Variants in FRY observed in about 807,000 individuals in gnomAD.
The protein encoded by FRY is protein furry homolog.
In FRY, 128 loss-of-function variants were observed where a neutral mutation model predicts 348.4. That is an observed-to-expected ratio of 0.37 (90% CI 0.32 to 0.43). The LOEUF (loss-of-function observed/expected upper bound fraction) is 0.43, where lower values mean the gene tolerates loss of function less well. Among genes scored for constraint, FRY ranks in the 20% least tolerant of loss-of-function variants. The pLI, the probability that FRY is intolerant of heterozygous loss-of-function variation, is 1.00. For synonymous variants in FRY, 1,370 were observed against 1,374.7 expected (o/e 1.00, Z 0.08); for missense variants, 2,736 against 3,695.2 (o/e 0.74, Z 6.73).
chr13:32,122,771 C>T (rs184188653), intron 4 of FRY, among the ~76,000 whole-genome samples: 1 of 152,282 alleles, frequency 6.6e-6, no homozygotes, highest in Admixed American at 6.5e-5. Flanking sequence ...ACAATATGAT[C>T]ATTTCCCTTG....
At chr13:32,122,140 G>A (rs1339303992) in intron 4 of FRY, among the ~76,000 whole-genome samples, 3 of 152,070 alleles carry the variant, frequency 2.0e-5, no homozygotes, top group Non-Finnish European at 2.9e-5. Flanking sequence ...CATCCCAATA[G>A]ATGCAGAAAA....
chr13:32,209,559 T>C (rs752876856), intron 32 of FRY, 26 bp from the exon 33 acceptor site: 36 of 1,613,214 alleles, frequency 2.2e-5, no homozygotes, highest in Non-Finnish European at 3.1e-5. Flanking sequence ...CACACATCTC[T>C]TGGGCCGGTT....
intron 2 of FRY, among the ~76,000 whole-genome samples, chr13:32,092,991 G>C (rs1243242327): frequency 6.6e-6 from 1 of 152,074 alleles, no homozygotes; most frequent in Non-Finnish European, 1.5e-5. Flanking sequence ...TTGTTTGTTT[G>C]TTTTTTCTAA....
At chr13:32,163,096 A>C (rs1298731817) in intron 17 of FRY, among the ~76,000 whole-genome samples, 1 of 152,190 alleles carries the variant, frequency 6.6e-6, no homozygotes, top group African/African-American at 2.4e-5. Flanking sequence ...AGAATAAAGA[A>C]AAGCTGTGAG....
chr13:32,218,262 C>T (rs1284606087), intron 35 of FRY, among the ~76,000 whole-genome samples: 4 of 152,166 alleles, frequency 2.6e-5, no homozygotes, highest in African/African-American at 9.7e-5. Flanking sequence ...GCAAGAGTGA[C>T]CACTGACCCT....
At position 32,117,391 on chromosome 13, in the gene FRY, T is replaced by C. The variant is rs553885845; in HGVS notation, c.382T>C (p.Leu128=). 11 of 1,613,820 alleles carry C rather than the reference T, an allele frequency of 6.8e-6. No individual in the cohort carries two copies. The highest frequency in any genetic ancestry group is 1.3e-5 in the African/African-American group (1 of 75,052). ...EYCLPSILRT[L]FDWYKRQNGI... The stretch of plus-strand genomic sequence containing the variant: ...CTGCCTGCCTTCCATTCTACGTACA[T>C]TATTTGACTGGTATAAAAGGCAAAA... Residue 128 remains leucine, a synonymous_variant, in exon 4 of 61, where the codon TTA becomes CTA. Coordinates refer to ENST00000542859, the MANE Select transcript of FRY (RefSeq NM_023037.3).
intron 59 of FRY, among the ~76,000 whole-genome samples, chr13:32,293,946 C>T (rs541667783): frequency 1.6e-4 from 25 of 152,248 alleles, no homozygotes; most frequent in Admixed American, 7.2e-4. Flanking sequence ...TGGCTATTAT[C>T]TTCAGTCTCA....
At chr13:32,240,037 A>G (rs1424646322) in intron 46 of FRY, among the ~76,000 whole-genome samples, 156 bp downstream of exon 46, 1 of 152,216 alleles carries the variant, frequency 6.6e-6, no homozygotes, top group Non-Finnish European at 1.5e-5. Flanking sequence ...AAGCTTTGAA[A>G]TGAAGGATAA....
At chr13:32,264,354 C>G (rs1418875806) in intron 53 of FRY, among the ~76,000 whole-genome samples, 2 of 151,970 alleles carry the variant, frequency 1.3e-5, no homozygotes, top group Non-Finnish European at 2.9e-5. Flanking sequence ...TTTACCATTC[C>G]TGGTAATTTT....
At chr13:32,055,325 G>A (rs1356524099) in intron 1 of FRY, among the ~76,000 whole-genome samples, 1 of 152,128 alleles carries the variant, frequency 6.6e-6, no homozygotes, top group Non-Finnish European at 1.5e-5. Context: ...TTGCAGGAAT[G>A]AGCCACCATG....
intron 50 of FRY, among the ~76,000 whole-genome samples, chr13:32,253,230 C>G (rs1593804588): frequency 6.6e-6 from 1 of 152,280 alleles, no homozygotes; most frequent in East Asian, 1.9e-4. Context: ...TCTCATGTAC[C>G]CATTTGCAAT....
At chr13:32,053,983 C>G (rs1873485317) in intron 1 of FRY, among the ~76,000 whole-genome samples, 1 of 108,070 alleles carries the variant, frequency 9.3e-6, no homozygotes, top group Non-Finnish European at 2.0e-5. Context: ...GAGCAAGACT[C>G]TCTCTCAAAA....
At chr13:32,226,476 C>CA (rs756316320) in intron 39 of FRY, among the ~76,000 whole-genome samples, 3 of 151,628 alleles carry the variant, frequency 2.0e-5, no homozygotes, top group South Asian at 2.1e-4. Flanking sequence ...GTTTTGAAAC[C>CA]AAAAAAAATT....
At chr13:32,096,529 G>A (rs370799853) in intron 2 of FRY, among the ~76,000 whole-genome samples, 8 of 152,122 alleles carry the variant, frequency 5.3e-5, no homozygotes, top group South Asian at 2.1e-4. Context: ...GCAGTGGCAC[G>A]CCTGTAATCC....
At chr13:32,281,233 CGTA>C (rs1888793039) in intron 58 of FRY, among the ~76,000 whole-genome samples, 1 of 152,162 alleles carries the variant, frequency 6.6e-6, no homozygotes, top group Admixed American at 6.5e-5. Context: ...ACTGTACACA[CGTA>C]ATCTCATTTG....
chr13:32,125,891 T>C (rs1484825112), intron 7 of FRY, among the ~76,000 whole-genome samples: 1 of 152,108 alleles, frequency 6.6e-6, no homozygotes, highest in Non-Finnish European at 1.5e-5. Context: ...ACTGATGCCA[T>C]TGAGAAATAA....
intron 1 of FRY, among the ~76,000 whole-genome samples, chr13:32,076,647 T>C (rs917125952): frequency 6.6e-6 from 1 of 152,212 alleles, no homozygotes; most frequent in African/African-American, 2.4e-5. Context: ...TCTCCTTATG[T>C]AGTTCCTATT....
At chr13:32,294,808 A>G (rs900550317) in intron 60 of FRY, among the ~76,000 whole-genome samples, 3 of 152,210 alleles carry the variant, frequency 2.0e-5, no homozygotes, top group Non-Finnish European at 1.5e-5. Flanking sequence ...GCACTTCAAA[A>G]TATACCTTTA....
rs558171569 is a variant in FRY, at chr13:32,294,462, C to T, written c.8675C>T (p.Ala2892Val). The T allele has an allele frequency of 1.3e-5, 21 of 1,613,840 alleles. No homozygotes were observed. In the African/African-American group the frequency reaches 1.9e-4, roughly 14 times the overall value. ...IAADPLYSDG[A>V]WSEPTFTSTE... ...GCTGACCCTCTCTATTCAGACGGCG[C>T]GTGGTCCGAGCCCACCTTCACGTCC... The change falls in exon 60 of 61, where the codon GCG (alanine) becomes GTG (valine). Residue 2892 changes from alanine to valine, a missense_variant. Ala to Val is a moderately conservative substitution (Grantham distance 64, BLOSUM62 0). This residue lies in a region of FRY where 157 missense variants were observed against 215.2 expected (regional missense o/e 0.73). Transcript: ENST00000542859.
Sources: gnomAD v4.1 joint callset for allele counts (sites outside exome capture counted in the v4.1 genomes callset) on GRCh38, gnomAD v4.1.1 for gene constraint, gnomAD v4.1.1 regional missense constraint, MANE v1.5 for transcripts, NCBI Gene and HGNC (gene_info 2026-07-23, HGNC 2026-07-21) for gene names.